Variants in LEPR observed in about 807,000 individuals in gnomAD.
LEPR encodes the protein OB receptor.
In LEPR, 56 loss-of-function variants were observed where a neutral mutation model predicts 114.7. The observed-to-expected ratio is 0.49, with a 90% CI of 0.39 to 0.61. LEPR has a LOEUF of 0.61. Among genes scored for constraint, LEPR ranks in the 20% least tolerant of loss-of-function variants. LEPR has a pLI of 0.00. For synonymous variants in LEPR, 443 were observed against 461.4 expected, an observed-to-expected ratio of 0.96 and a Z score of 0.51; for missense variants, 1,202 against 1,352.9, an observed-to-expected ratio of 0.89 and a Z score of 1.75.
chr1:65,632,135 C>T (rs1658547665), intron 19 of LEPR, among the ~76,000 whole-genome samples: 1 of 152,090 alleles, frequency 6.6e-6, no homozygotes, highest in Non-Finnish European at 1.5e-5. Context: ...CCTAGGCCTC[C>T]AAATAAAGCA....
intron 5 of LEPR, among the ~76,000 whole-genome samples, chr1:65,586,577 A>G (rs1364057990): frequency 1.3e-5 from 2 of 151,918 alleles, no homozygotes; most frequent in Non-Finnish European, 2.9e-5. Context: ...TACTACATTT[A>G]TGGGCACTGA....
intron 2 of LEPR, among the ~76,000 whole-genome samples, chr1:65,455,515 C>T (rs1445928479): frequency 1.3e-5 from 2 of 152,208 alleles, no homozygotes; most frequent in East Asian, 3.8e-4. Flanking sequence ...GGACCCTCAG[C>T]TGCAGGTCTG....
Position 65,615,989 on chromosome 1 carries a change from A to G in LEPR, c.1996-19A>G. 6.2e-7 allele frequency: 1 copy of G among 1,613,958 alleles called. No homozygotes were observed. Among genetic ancestry groups the G allele is most frequent in the Non-Finnish European group, 8.5e-7 (1 of 1,179,946 alleles). On this transcript the variant is annotated intron_variant, in intron 14 of 19. Transcript: ENST00000349533. ...AGCACTGCAGCCCTTAAACTAATCA[A>G]TTTCTATATTTACTACAGCCCCTGA...
intron 3 of LEPR, among the ~76,000 whole-genome samples, chr1:65,569,204 A>G (rs1014232167): frequency 6.6e-6 from 1 of 152,114 alleles, no homozygotes; most frequent in South Asian, 2.1e-4. Flanking sequence ...CCATTCACCT[A>G]CTGATGAACA....
chr1:65,491,907 G>C (rs1402377039), intron 2 of LEPR, among the ~76,000 whole-genome samples: 1 of 152,082 alleles, frequency 6.6e-6, no homozygotes, highest in African/African-American at 2.4e-5. Context: ...TGTTTCTGTT[G>C]AGAAAAGCTG....
intron 5 of LEPR, among the ~76,000 whole-genome samples, chr1:65,586,861 G>A (rs1655350206): frequency 6.6e-6 from 1 of 151,894 alleles, no homozygotes; most frequent in South Asian, 2.1e-4. Flanking sequence ...TTATAATGTA[G>A]ATACTATATA....
intron 2 of LEPR, among the ~76,000 whole-genome samples, chr1:65,521,955 G>C (rs184312023): frequency 6.6e-6 from 1 of 152,040 alleles, no homozygotes; most frequent in Non-Finnish European, 1.5e-5. Context: ...CAAAAATTAC[G>C]TGGGTGTAGT....
chr1:65,455,143 T>C (rs1231481738), intron 2 of LEPR, among the ~76,000 whole-genome samples: 3 of 152,226 alleles, frequency 2.0e-5, no homozygotes, highest in Non-Finnish European at 4.4e-5. Context: ...TCAGCTCCTT[T>C]AAGCACTTCT....
chr1:65,452,541 T>C (rs1405574198), intron 2 of LEPR, among the ~76,000 whole-genome samples: 1 of 152,348 alleles, frequency 6.6e-6, no homozygotes, highest in African/African-American at 2.4e-5. Flanking sequence ...GATAATCATG[T>C]GGTATTTGTC....
chr1:65,552,490 GTTTAAAGTCTGT>G (rs1248135092), intron 2 of LEPR, among the ~76,000 whole-genome samples: 2 of 151,988 alleles, frequency 1.3e-5, no homozygotes, highest in African/African-American at 4.8e-5. Context: ...GTCTTTGTTG[GTTTAAAGTCTGT>G]TTTATCGGAG....
At chr1:65,434,681 C>G in intron 2 of LEPR, 1 of 985,420 alleles carries the variant, frequency 1.0e-6, no homozygotes, top group Non-Finnish European at 1.2e-6. Context: ...CAAGGTCTTT[C>G]TCCTTTTAAT....
chr1:65,429,842 TGCC>T (rs1234294615), intron 2 of LEPR: 1 of 1,403,640 alleles, frequency 7.1e-7, no homozygotes, highest in Non-Finnish European at 9.4e-7. Flanking sequence ...TTTTGGATTT[TGCC>T]TGGGTCCAAC....
chr1:65,488,176 C>CTT (rs1376734047), intron 2 of LEPR, among the ~76,000 whole-genome samples: 9 of 14,268 alleles, frequency 6.3e-4, no homozygotes, highest in Admixed American at 4.0e-3. Context: ...TTCTTTCTTT[C>CTT]TTTCTTTCTT....
At chr1:65,596,398 T>G in intron 6 of LEPR, 50 bp from the exon 7 acceptor site, 1 of 1,601,820 alleles carries the variant, frequency 6.2e-7, no homozygotes, top group Non-Finnish European at 8.5e-7. Context: ...TCAGCTATAA[T>G]TGTCATGAAA....
chr1:65,453,300 G>C (rs1427302732), intron 2 of LEPR, among the ~76,000 whole-genome samples: 1 of 151,962 alleles, frequency 6.6e-6, no homozygotes, highest in Non-Finnish European at 1.5e-5. Flanking sequence ...TCTGATTTTA[G>C]TTATTTCTTG....
At chr1:65,529,553 G>GAGGC (rs761028013) in intron 2 of LEPR, among the ~76,000 whole-genome samples, 1 of 126,370 alleles carries the variant, frequency 7.9e-6, no homozygotes, top group African/African-American at 2.8e-5. Flanking sequence ...GGGAGGAAGG[G>GAGGC]AGGGAGGGAG....
At chr1:65,494,874 T>C (rs188714905) in intron 2 of LEPR, among the ~76,000 whole-genome samples, 22 of 152,258 alleles carry the variant, frequency 1.4e-4, no homozygotes, top group South Asian at 2.1e-4. Context: ...TCCATAGTCA[T>C]AATGGCATTT....
chr1:65,460,347 C>T (rs899458240), intron 2 of LEPR, among the ~76,000 whole-genome samples: 18 of 152,032 alleles, frequency 1.2e-4, no homozygotes, highest in African/African-American at 4.1e-4. Context: ...GGCTCTGTAC[C>T]ACCACCTCCC....
At chr1:65,634,692 G>T in intron 19 of LEPR, 1 of 970,978 alleles carries the variant, frequency 1.0e-6, no homozygotes, top group Non-Finnish European at 1.2e-6. Context: ...CTTGACTATG[G>T]TTATGGTTTT....
Sources: allele counts gnomAD v4.1 joint callset (sites outside exome capture counted in the v4.1 genomes callset), GRCh38; gene constraint gnomAD v4.1.1; transcripts MANE v1.5; gene names NCBI Gene and HGNC (gene_info 2026-07-23, HGNC 2026-07-21).